DYNC2H1: variants seen among roughly 807,000 people sequenced by gnomAD.
The protein encoded by DYNC2H1 is cytoplasmic dynein 2 heavy chain 1.
Under a neutral mutation model 570.0 loss-of-function variants are expected in DYNC2H1, and 410 were observed. That is an observed-to-expected ratio of 0.72 (90% CI 0.66 to 0.78). The LOEUF (loss-of-function observed/expected upper bound fraction) is 0.78, where lower values mean the gene tolerates loss of function less well. Among genes scored for constraint, DYNC2H1 ranks in the 30% least tolerant of loss-of-function variants. The pLI is 0.00. For missense variants in DYNC2H1, 4,865 were observed against 5,046.4 expected (o/e 0.96, Z 1.09); for synonymous variants, 1,688 against 1,677.6 (o/e 1.01, Z -0.15).
chr11:103,282,619 A>C (rs1866185875), intron 72 of DYNC2H1, among the ~76,000 whole-genome samples: 1 of 151,940 alleles, frequency 6.6e-6, no homozygotes, highest in Non-Finnish European at 1.5e-5. Flanking sequence ...TTTTTTTCCT[A>C]CTAATTTCCT....
intron 22 of DYNC2H1, among the ~76,000 whole-genome samples, chr11:103,153,742 G>T (rs976900123): frequency 6.6e-6 from 1 of 151,808 alleles, no homozygotes; most frequent in Non-Finnish European, 1.5e-5. Flanking sequence ...GATTTACCTA[G>T]AAGTTATATC....
intron 70 of DYNC2H1, among the ~76,000 whole-genome samples, chr11:103,270,855 G>A (rs896426197): frequency 1.3e-5 from 2 of 152,080 alleles, no homozygotes; most frequent in Non-Finnish European, 2.9e-5. Context: ...GACCACTGTT[G>A]ACTGTAGGTA....
At chr11:103,219,812 C>G in intron 55 of DYNC2H1, 103 bp from the exon 56 acceptor site, 1 of 720,720 alleles carries the variant, frequency 1.4e-6, no homozygotes, top group Middle Eastern at 2.9e-4. Flanking sequence ...TATTAGGAAA[C>G]ATTTAATAGA....
At chr11:103,346,336 TTGAA>T (rs1939743658) in intron 82 of DYNC2H1, among the ~76,000 whole-genome samples, 1 of 152,152 alleles carries the variant, frequency 6.6e-6, no homozygotes, top group Admixed American at 6.5e-5. Context: ...TATACTCTAT[TTGAA>T]TATATTATCC....
intron 83 of DYNC2H1, among the ~76,000 whole-genome samples, chr11:103,394,364 G>A (rs1310191825): frequency 2.0e-5 from 3 of 152,110 alleles, no homozygotes; most frequent in Admixed American, 1.3e-4. Flanking sequence ...ACACAATACA[G>A]TATAACAACT....
At chr11:103,273,678 G>A (rs1865795901) in intron 70 of DYNC2H1, among the ~76,000 whole-genome samples, 1 of 152,056 alleles carries the variant, frequency 6.6e-6, no homozygotes. Flanking sequence ...GTACAGGTAG[G>A]CAACCAGATA....
chr11:103,399,158 T>G (rs1367948017), intron 83 of DYNC2H1, among the ~76,000 whole-genome samples: 1 of 149,544 alleles, frequency 6.7e-6, no homozygotes, highest in Non-Finnish European at 1.5e-5. Flanking sequence ...TGTTTTTTTT[T>G]TTGAGATGGA....
At position 103,310,695 on chromosome 11, in the gene DYNC2H1, T is replaced by TTTC. The variant is rs1867543589; in HGVS notation, c.11494-1181_11494-1180insCTT. On this transcript the variant is annotated intron_variant, in intron 78 of 88. Transcript: ENST00000375735. ...TTTCTTTTTTTTTTTTTTTTTTTTTTTTTGGGAGACTGAGTCTTGCTCTGT... is the reference window on the plus strand; with the variant it reads ...TTTCTTTTTTTTTTTTTTTTTTTTTTTTCTTTGGGAGACTGAGTCTTGCTCTGT... Among the ~76,000 whole-genome samples the TTTC allele has an allele frequency of 2.1e-5, 2 of 93,760 alleles. 1 individual carries two copies. Among genetic ancestry groups the TTTC allele is most frequent in the Non-Finnish European group, 3.9e-5 (2 of 50,698 alleles). The allele number at this position is 93,760 out of a possible 152,430, so 61.5% of individuals were successfully genotyped here.
chr11:103,150,370 T>C (rs146860279), intron 20 of DYNC2H1, among the ~76,000 whole-genome samples: 1 of 152,282 alleles, frequency 6.6e-6, no homozygotes, highest in African/African-American at 2.4e-5. Flanking sequence ...TGGAAGCTTG[T>C]ATCATGTAGT....
At position 103,170,386 on chromosome 11, in the gene DYNC2H1, C is replaced by T; in HGVS notation, c.5151+96C>T. The T allele has an allele frequency of 2.5e-6, 3 of 1,192,010 alleles. No individual in the cohort carries two copies. Among genetic ancestry groups the T allele is most frequent in the Non-Finnish European group, 3.4e-6 (3 of 890,494 alleles). 73.8% of individuals were successfully genotyped at this position (1,192,010 alleles called of 1,614,324 possible). On this transcript the variant is annotated intron_variant, in intron 33 of 88. Transcript: ENST00000375735. This position sits in a 1 kb window ranked among gnomAD's most constrained non-coding sequence, Gnocchi z 4.8. The stretch of plus-strand genomic sequence containing the variant: ...GAAATACTCTACTTAAAAATCACTA[C>T]ATTTAAATTAGTTGAAGACAGAATT...
At chr11:103,182,948 T>TA (rs1861911927) in intron 40 of DYNC2H1, among the ~76,000 whole-genome samples, 1 of 151,812 alleles carries the variant, frequency 6.6e-6, no homozygotes, top group South Asian at 2.1e-4. Flanking sequence ...GCAAGTGAGG[T>TA]GGGTTTTCCT....
intron 70 of DYNC2H1, among the ~76,000 whole-genome samples, chr11:103,274,306 G>A (rs1269010459): frequency 6.6e-6 from 1 of 152,052 alleles, no homozygotes; most frequent in Non-Finnish European, 1.5e-5. Flanking sequence ...GCTGTAGTAA[G>A]CTATGATCAC....
At position 103,473,739 on chromosome 11, in the gene DYNC2H1, G is replaced by A. The variant is rs552005228; in HGVS notation, c.12765+5034G>A. ...AGTGATGCCCTTCTGGCATTCCACA[G>A]GAAGTCAGTTTGCCTTTGCTCTATC... is the stretch of plus-strand genomic sequence containing the variant. On this transcript the variant is annotated intron_variant, in intron 88 of 88. Coordinates refer to ENST00000375735, the MANE Select transcript of DYNC2H1 (RefSeq NM_001377.3). 2.6e-5 allele frequency among the ~76,000 whole-genome samples: 4 copies of A among 152,290 alleles called. No homozygotes were observed. In the South Asian group the frequency reaches 8.3e-4, roughly 32 times the overall value.
Position 103,198,186 on chromosome 11 carries a change from T to C in DYNC2H1, c.7839+123T>C, listed in dbSNP as rs183588985. 149 of 1,155,682 alleles carry C rather than the reference T, an allele frequency of 1.3e-4. 1 individual carries two copies. In the East Asian group the frequency reaches 2.8e-3, roughly 22 times the overall value. The allele number at this position is 1,155,682 out of a possible 1,614,324, so 71.6% of individuals were successfully genotyped here. A position where few individuals can be genotyped will look rare whatever the true frequency, so the allele number is the denominator to read the frequency against. Reference sequence around the variant, plus strand: ...GTAGAATAGGCAAAGCTGGTTCTTATCTTTTGGAATTTAGTCCATTGTGGC... The same window carrying C: ...GTAGAATAGGCAAAGCTGGTTCTTACCTTTTGGAATTTAGTCCATTGTGGC... On this transcript the variant is annotated intron_variant, in intron 48 of 88. Transcript: ENST00000375735.
At chr11:103,267,507 TA>T (rs931969164) in intron 70 of DYNC2H1, among the ~76,000 whole-genome samples, 43 of 152,056 alleles carry the variant, frequency 2.8e-4, no homozygotes, top group African/African-American at 1.0e-3. Context: ...ATTTTGTTAC[TA>T]AAATGTTATG....
At chr11:103,144,782 T>C (rs1050962133) in intron 18 of DYNC2H1, among the ~76,000 whole-genome samples, 1 of 152,048 alleles carries the variant, frequency 6.6e-6, no homozygotes. Flanking sequence ...GTTAGGAAAT[T>C]TAATCTGGAA....
chr11:103,192,740 G>C (rs1178349858), intron 47 of DYNC2H1, among the ~76,000 whole-genome samples: 1 of 152,128 alleles, frequency 6.6e-6, no homozygotes, highest in Non-Finnish European at 1.5e-5. Context: ...CAAAGCTGCT[G>C]TGTTGCATTT....
In DYNC2H1 at chr11:103,332,312, G is replaced by GAA. The variant is rs71962098; in HGVS notation, c.12039+8339_12039+8340dup. The stretch of plus-strand genomic sequence containing the variant: ...TGAAACATAAGGAGAAAAAAACTGG[G>GAA]AAAAAAAAAAAAAAAAAATAGAACA... On this transcript the variant is annotated intron_variant, in intron 82 of 88. Transcript: ENST00000375735. 7.9e-3 allele frequency among the ~76,000 whole-genome samples: 962 copies of GAA among 122,500 alleles called. 14 individuals carry two copies. The highest frequency in any genetic ancestry group is 0.019 in the African/African-American group (628 of 33,516). 80.4% of individuals were successfully genotyped at this position (122,500 alleles called of 152,430 possible).
At chr11:103,174,802 A>G (rs945268646) in intron 36 of DYNC2H1, among the ~76,000 whole-genome samples, 5 of 151,948 alleles carry the variant, frequency 3.3e-5, no homozygotes, top group African/African-American at 1.2e-4. Context: ...TGGCTATGGT[A>G]GTGTTGCCAG....
Sources: allele counts gnomAD v4.1 joint callset (sites outside exome capture counted in the v4.1 genomes callset), GRCh38; gene constraint gnomAD v4.1.1; non-coding constraint Gnocchi (gnomAD v3.1); transcripts MANE v1.5; gene names NCBI Gene and HGNC (gene_info 2026-07-23, HGNC 2026-07-21).